Variants in CLIP1 observed in about 807,000 individuals in gnomAD.
The protein encoded by CLIP1 is CAP-Gly domain containing linker protein 1.
Under a neutral mutation model 161.6 loss-of-function variants are expected in CLIP1, and 66 were observed. The ratio of observed to expected loss-of-function variants is 0.41; its 90% CI spans 0.33 to 0.50. The LOEUF (loss-of-function observed/expected upper bound fraction) is 0.50. CLIP1 is among the 20% of genes least tolerant of loss of function. The pLI, the probability that CLIP1 is intolerant of heterozygous loss-of-function variation, is 0.27. For missense variants in CLIP1, 1,376 were observed against 1,702.0 expected, an observed-to-expected ratio of 0.81 and a Z score of 3.37; for synonymous variants, 598 against 626.2, an observed-to-expected ratio of 0.96 and a Z score of 0.67.
chr12:122,288,808 C>CTTTTTTT (rs200069106), intron 20 of CLIP1, among the ~76,000 whole-genome samples: 7 of 114,448 alleles, frequency 6.1e-5, no homozygotes, highest in Non-Finnish European at 5.0e-5. Context: ...CGAAGCACAT[C>CTTTTTTT]TTTTTTTTTT....
At chr12:122,325,105 C>T (rs1470526540) in intron 17 of CLIP1, among the ~76,000 whole-genome samples, 1 of 146,062 alleles carries the variant, frequency 6.8e-6, no homozygotes, top group African/African-American at 2.6e-5. Context: ...ATTGCCCAGG[C>T]TGGAGTGCAA....
At chr12:122,365,444 T>C in intron 3 of CLIP1, 1 of 783,418 alleles carries the variant, frequency 1.3e-6, no homozygotes, top group Non-Finnish European at 2.3e-6. Flanking sequence ...CATTAAGCAC[T>C]CTAAGAGCCA....
rs1593075558 is a variant in CLIP1, at chr12:122,327,859, A to C, written c.3249+88T>G. The C allele has an allele frequency of 2.4e-6, 3 of 1,260,884 alleles. No homozygotes were observed. The South Asian group carries it at 3.9e-5, about 16-fold the overall frequency. 78.1% of individuals were successfully genotyped at this position (1,260,884 alleles called of 1,614,324 possible). ...TGTAGAGGCCACCTTAACTTTTCCC[A>C]CTGGCTGCTGCTTTCTAAGCACCCT... On this transcript the variant is annotated intron_variant, in intron 17 of 25. Coordinates refer to ENST00000620786, the MANE Select transcript of CLIP1 (RefSeq NM_001247997.2).
At chr12:122,343,958 C>T (rs1952627338) in intron 10 of CLIP1, 1 of 152,204 alleles carries the variant, frequency 6.6e-6, no homozygotes, top group Admixed American at 6.6e-5. Flanking sequence ...TGGTACATGC[C>T]TATATACCTA....
chr12:122,334,435 A>G (rs553370454), intron 13 of CLIP1, among the ~76,000 whole-genome samples: 26 of 152,342 alleles, frequency 1.7e-4, no homozygotes, highest in Non-Finnish European at 3.1e-4. Flanking sequence ...TTACATTTTA[A>G]TACAGAACAA....
At chr12:122,375,151 C>G (rs1254711092) in intron 3 of CLIP1, among the ~76,000 whole-genome samples, 1 of 151,960 alleles carries the variant, frequency 6.6e-6, no homozygotes, top group Non-Finnish European at 1.5e-5. Context: ...CACTATGATA[C>G]GCTGCCCCTC....
intron 3 of CLIP1, chr12:122,365,252 T>G: frequency 1.8e-6 from 1 of 544,398 alleles, no homozygotes; most frequent in Non-Finnish European, 3.2e-6. Flanking sequence ...AAAATAAAAA[T>G]AAAAAAAAGA....
intron 1 of CLIP1, among the ~76,000 whole-genome samples, chr12:122,405,638 A>G (rs1447672535): frequency 6.6e-6 from 1 of 151,854 alleles, no homozygotes; most frequent in Non-Finnish European, 1.5e-5. Context: ...AAATACAAAA[A>G]TTAGCCAGGT....
chr12:122,388,880 G>A (rs1313050922), intron 1 of CLIP1, among the ~76,000 whole-genome samples: 1 of 152,112 alleles, frequency 6.6e-6, no homozygotes, highest in Non-Finnish European at 1.5e-5. Context: ...CAGCCCAGAT[G>A]CTAAAGTTTG....
intron 1 of CLIP1, among the ~76,000 whole-genome samples, chr12:122,390,779 G>C (rs1207081751): frequency 6.7e-6 from 1 of 149,980 alleles, no homozygotes; most frequent in African/African-American, 2.5e-5. Context: ...TCTCTCTTCT[G>C]CCAGATGAGG....
chr12:122,403,810 G>A (rs1442823529), intron 1 of CLIP1, among the ~76,000 whole-genome samples: 1 of 151,984 alleles, frequency 6.6e-6, no homozygotes, highest in Non-Finnish European at 1.5e-5. Context: ...ATGAGCCACC[G>A]TGCCCAGCCG....
intron 17 of CLIP1, among the ~76,000 whole-genome samples, chr12:122,321,758 A>G (rs984108322): frequency 1.3e-5 from 2 of 152,194 alleles, no homozygotes; most frequent in East Asian, 1.9e-4. Flanking sequence ...GACTGAAGCC[A>G]TCTGTCCACC....
intron 20 of CLIP1, among the ~76,000 whole-genome samples, chr12:122,293,244 A>C (rs1263488360): frequency 6.6e-6 from 1 of 152,148 alleles, no homozygotes; most frequent in Non-Finnish European, 1.5e-5. Flanking sequence ...CAGCATCATC[A>C]GTCATCAGGA....
intron 1 of CLIP1, among the ~76,000 whole-genome samples, chr12:122,384,241 T>C (rs1414594066): frequency 3.9e-5 from 6 of 152,224 alleles, no homozygotes; most frequent in Non-Finnish European, 8.8e-5. Context: ...AAATTTAATA[T>C]TAAAACTTAG....
intron 1 of CLIP1, among the ~76,000 whole-genome samples, chr12:122,393,804 C>T (rs1418877108): frequency 6.8e-6 from 1 of 147,434 alleles, no homozygotes; most frequent in African/African-American, 2.5e-5. Context: ...CCCAGCTATT[C>T]AGCAGGCTAA....
chr12:122,369,802 G>A (rs909260095), intron 3 of CLIP1, among the ~76,000 whole-genome samples: 13 of 151,470 alleles, frequency 8.6e-5, no homozygotes, highest in South Asian at 4.2e-4. Flanking sequence ...ACGAGGCACC[G>A]GGCACAAAAC....
At chr12:122,310,156 G>C (rs941567567) in intron 19 of CLIP1, among the ~76,000 whole-genome samples, 1 of 152,020 alleles carries the variant, frequency 6.6e-6, no homozygotes, top group South Asian at 2.1e-4. Context: ...CATAAAAAAG[G>C]AATTTTGCTA....
chr12:122,365,474 G>T (rs1252172960), intron 3 of CLIP1: 2 of 787,488 alleles, frequency 2.5e-6, no homozygotes, highest in African/African-American at 3.4e-5. Context: ...CCTGAAACGC[G>T]TGAAGGAAAA....
chr12:122,362,244 G>A (rs551538189), intron 4 of CLIP1, among the ~76,000 whole-genome samples: 2 of 150,694 alleles, frequency 1.3e-5, no homozygotes, highest in South Asian at 4.2e-4. Context: ...GAGCCACCAT[G>A]CCCCGCCCAA....
Sources: gnomAD v4.1 joint callset for allele counts (sites outside exome capture counted in the v4.1 genomes callset) on GRCh38, gnomAD v4.1.1 for gene constraint, MANE v1.5 for transcripts, NCBI Gene and HGNC (gene_info 2026-07-23, HGNC 2026-07-21) for gene names.